Variants in MARCHF3 observed in about 807,000 individuals in gnomAD.
The protein encoded by MARCHF3 is E3 ubiquitin-protein ligase MARCHF3.
MARCHF3 carries 13 observed loss-of-function variants against 24.2 expected under a neutral mutation model. That is an observed-to-expected ratio of 0.54 (90% confidence interval 0.35 to 0.85). The LOEUF (loss-of-function observed/expected upper bound fraction) is 0.85. MARCHF3 is among the 40% of genes least tolerant of loss of function. MARCHF3 has a pLI of 0.01. For synonymous variants in MARCHF3, 144 were observed against 137.3 expected (o/e 1.05, Z -0.34); for missense variants, 276 against 325.0 (o/e 0.85, Z 1.16).
chr5:126,976,774 C>T (rs150461194), intron 1 of MARCHF3, among the ~76,000 whole-genome samples: 1 of 152,224 alleles, frequency 6.6e-6, no homozygotes, highest in African/African-American at 2.4e-5. Context: ...TGGGAATCCT[C>T]GCCCCGATCC....
At chr5:127,013,019 A>G (rs1457724402) in intron 1 of MARCHF3, among the ~76,000 whole-genome samples, 1 of 152,162 alleles carries the variant, frequency 6.6e-6, no homozygotes, top group Non-Finnish European at 1.5e-5. Context: ...CAATACACCT[A>G]TTTAAGTGAA....
chr5:126,888,892 G>A (rs1753582972), intron 3 of MARCHF3, among the ~76,000 whole-genome samples: 1 of 152,172 alleles, frequency 6.6e-6, no homozygotes, highest in African/African-American at 2.4e-5. Context: ...AGCCTCCTGA[G>A]TATCTGAGAT....
chr5:126,973,504 C>T (rs1751088528), intron 1 of MARCHF3, among the ~76,000 whole-genome samples: 1 of 152,234 alleles, frequency 6.6e-6, no homozygotes, highest in South Asian at 2.1e-4. Context: ...GGTCACACTG[C>T]TCTTAATTCA....
At chr5:126,893,151 T>G (rs533349781) in intron 3 of MARCHF3, among the ~76,000 whole-genome samples, 1 of 152,230 alleles carries the variant, frequency 6.6e-6, no homozygotes, top group South Asian at 2.1e-4. Context: ...TTTATCATTT[T>G]TTATTGCATC....
chr5:126,915,618 C>T (rs888005652), intron 2 of MARCHF3, among the ~76,000 whole-genome samples: 2 of 152,172 alleles, frequency 1.3e-5, no homozygotes, highest in African/African-American at 2.4e-5. Context: ...CAGCAACCAA[C>T]CCTGCAGCCA....
intron 1 of MARCHF3, among the ~76,000 whole-genome samples, chr5:126,988,688 A>G (rs1751645787): frequency 6.6e-6 from 1 of 152,176 alleles, no homozygotes; most frequent in Admixed American, 6.5e-5. Flanking sequence ...CAGTTGAGGA[A>G]GGGAGAAGGA....
intron 1 of MARCHF3, among the ~76,000 whole-genome samples, chr5:126,943,374 T>C (rs573736795): frequency 5.3e-5 from 8 of 152,198 alleles, no homozygotes; most frequent in Non-Finnish European, 7.4e-5. Context: ...GCCCAGGAGA[T>C]TGAGACCAGC....
chr5:127,003,151 G>A (rs1278256607), intron 1 of MARCHF3, among the ~76,000 whole-genome samples: 2 of 152,102 alleles, frequency 1.3e-5, no homozygotes, highest in Non-Finnish European at 2.9e-5. Context: ...AAGCTCAGAG[G>A]TGGAAGCTTG....
intron 3 of MARCHF3, among the ~76,000 whole-genome samples, chr5:126,881,483 G>C (rs1037708114): frequency 6.6e-6 from 1 of 152,114 alleles, no homozygotes; most frequent in African/African-American, 2.4e-5. Flanking sequence ...GTTTATAACA[G>C]AGAAAATTTG....
Position 126,915,936 on chromosome 5 carries a change from C to T in MARCHF3, c.189-802G>A, listed in dbSNP as rs149752381. On this transcript the variant is annotated intron_variant, in intron 2 of 4. Coordinates refer to ENST00000308660, the MANE Select transcript of MARCHF3 (RefSeq NM_178450.5). ...AACTCTGGGCAAGTAACTTCATCTC[C>T]CCATACTTTAGTGTCCTTATCTCTA... Among the ~76,000 whole-genome samples, 62 of 152,292 alleles carry T rather than the reference C, an allele frequency of 4.1e-4. 1 individual carries two copies. The highest frequency in any genetic ancestry group is 3.4e-3 in the Admixed American group (52 of 15,298).
chr5:127,006,346 A>G (rs1004443696), intron 1 of MARCHF3, among the ~76,000 whole-genome samples: 3 of 152,058 alleles, frequency 2.0e-5, no homozygotes, highest in African/African-American at 7.3e-5. Context: ...ATTATTTGTG[A>G]TATGTTAATT....
intron 1 of MARCHF3, among the ~76,000 whole-genome samples, chr5:126,926,518 CTCTA>C: frequency 6.6e-6 from 1 of 152,322 alleles, no homozygotes; most frequent in African/African-American, 2.4e-5. Context: ...CAGATGAACT[CTCTA>C]TCATATGCTA....
chr5:126,973,878 T>C (rs996229977), intron 1 of MARCHF3, among the ~76,000 whole-genome samples: 1 of 110,024 alleles, frequency 9.1e-6, no homozygotes, highest in Non-Finnish European at 1.8e-5. Flanking sequence ...AAGCAAAATC[T>C]ATTTTTTTTT....
At chr5:126,988,680 G>A (rs73786272) in intron 1 of MARCHF3, among the ~76,000 whole-genome samples, 7,769 of 152,194 alleles carry the variant, frequency 0.051, 366 homozygotes, top group South Asian at 0.14. Context: ...ATAACTATCA[G>A]TTGAGGAAGG....
intron 1 of MARCHF3, among the ~76,000 whole-genome samples, chr5:126,950,594 CA>C (rs1750197328): frequency 6.6e-6 from 1 of 152,058 alleles, no homozygotes; most frequent in Non-Finnish European, 1.5e-5. Context: ...CTTCTTTTCC[CA>C]TTTGTGCACT....
chr5:127,016,753 T>G (rs542816836), intron 1 of MARCHF3, among the ~76,000 whole-genome samples: 22 of 152,284 alleles, frequency 1.4e-4, no homozygotes, highest in African/African-American at 5.1e-4. Context: ...GTGATCCCAT[T>G]ATTGGGTATA....
At chr5:126,987,328 C>T (rs926577017) in intron 1 of MARCHF3, among the ~76,000 whole-genome samples, 3 of 152,122 alleles carry the variant, frequency 2.0e-5, no homozygotes, top group Admixed American at 6.5e-5. Flanking sequence ...GAGGGTAAAT[C>T]TCAAGTTTTG....
At chr5:126,902,426 A>G (rs1413448881) in intron 3 of MARCHF3, among the ~76,000 whole-genome samples, 1 of 152,132 alleles carries the variant, frequency 6.6e-6, no homozygotes, top group Non-Finnish European at 1.5e-5. Context: ...AGGTGGACAG[A>G]GGTCCTCTTG....
At chr5:126,902,562 C>A (rs1580620044) in intron 3 of MARCHF3, among the ~76,000 whole-genome samples, 4 of 152,194 alleles carry the variant, frequency 2.6e-5, no homozygotes, top group South Asian at 4.2e-4. Flanking sequence ...CAAATTAATC[C>A]TTTACCAGCA....
Sources: allele counts gnomAD v4.1 joint callset (sites outside exome capture counted in the v4.1 genomes callset), GRCh38; gene constraint gnomAD v4.1.1; transcripts MANE v1.5; gene names NCBI Gene and HGNC (gene_info 2026-07-23, HGNC 2026-07-21).